The following DISP3 variants were observed in gnomAD, a reference collection of about 807,000 sequenced individuals.
DISP3 encodes the protein protein dispatched homolog 3.
In DISP3, 101 loss-of-function variants were observed where a neutral mutation model predicts 135.3. The ratio of observed to expected loss-of-function variants is 0.75; its 90% CI spans 0.64 to 0.88. The LOEUF is 0.88. Among genes scored for constraint, DISP3 ranks in the 40% least tolerant of loss-of-function variants. The pLI is 0.00. For synonymous variants in DISP3, 856 were observed against 817.0 expected (o/e 1.05, Z -0.81); for missense variants, 1,713 against 1,878.6 (o/e 0.91, Z 1.63).
chr1:11,533,253 C>CTTTTT (rs70983563), intron 17 of DISP3, among the ~76,000 whole-genome samples: 1 of 103,976 alleles, frequency 9.6e-6, no homozygotes, highest in Non-Finnish European at 2.0e-5. Flanking sequence ...GTGACTGTTT[C>CTTTTT]TTTTTTTTTT....
chr1:11,502,244 G>GTGAGATGAGCTCAT (rs1437245408), intron 2 of DISP3, among the ~76,000 whole-genome samples, 156 bp downstream of exon 2: 3 of 152,264 alleles, frequency 2.0e-5, no homozygotes, highest in Non-Finnish European at 4.4e-5. Flanking sequence ...AAAGGGCTGG[G>GTGAGATGAGCTCAT]CTCAGGTGTG....
chr1:11,535,569 C>A lies in DISP3; in HGVS notation c.3741C>A (p.Ser1247=), dbSNP rs367817545. ...EAISLSILVG[S]SVDYCVHLVE... The stretch of plus-strand genomic sequence containing the variant: ...TCTCCCTGTCCATCCTCGTTGGCTC[C>A]TCCGTGGATTACTGCGTCCACCTGG... Residue 1247 remains serine (S), a synonymous_variant, in exon 20 of 21, where the codon TCC becomes TCA. Coordinates refer to ENST00000294484, the MANE Select transcript of DISP3 (RefSeq NM_020780.2). 5 of 1,613,368 alleles carry A rather than the reference C, an allele frequency of 3.1e-6. No homozygotes were observed. The African/African-American group carries it at 6.7e-5, about 22-fold the overall frequency.
intron 1 of DISP3, among the ~76,000 whole-genome samples, chr1:11,486,349 C>A (rs1052705473): frequency 1.3e-5 from 2 of 152,212 alleles, no homozygotes; most frequent in African/African-American, 2.4e-5. Context: ...AGAGAGGAAT[C>A]AGGCTTTGGA....
intron 1 of DISP3, among the ~76,000 whole-genome samples, chr1:11,490,878 A>C (rs557611692): frequency 6.6e-6 from 1 of 152,314 alleles, no homozygotes; most frequent in South Asian, 2.1e-4. Flanking sequence ...TGTGCCAGAC[A>C]CACAGTAGTG....
At chr1:11,496,119 T>C (rs1015010409) in intron 1 of DISP3, among the ~76,000 whole-genome samples, 2 of 152,166 alleles carry the variant, frequency 1.3e-5, no homozygotes, top group African/African-American at 4.8e-5. Context: ...GCGTTTTTTT[T>C]TTCTGTTATA....
At position 11,526,639 on chromosome 1, in the gene DISP3, C is replaced by A; in HGVS notation, c.2614-12C>A. 1 of 1,605,122 alleles carries A rather than the reference C, an allele frequency of 6.2e-7. No homozygotes were observed. The highest frequency in any genetic ancestry group is 8.5e-7 in the Non-Finnish European group (1 of 1,172,374). On this transcript the variant is annotated splice_polypyrimidine_tract_variant and intron_variant, in intron 12 of 20. Coordinates refer to ENST00000294484, the MANE Select transcript of DISP3 (RefSeq NM_020780.2). ...GAGTCATGTGTCTTGTCTCTGTCAACCCACTGCTTAGGTGTATAGAGCGCC... is the reference window on the plus strand; with the variant it reads ...GAGTCATGTGTCTTGTCTCTGTCAAACCACTGCTTAGGTGTATAGAGCGCC...
In DISP3 at chr1:11,519,825, G is replaced by T; in HGVS notation, c.2145G>T (p.Glu715Asp). The change falls in exon 9 of 21, where the codon GAG becomes GAT. Residue 715 changes from glutamate to aspartate, a missense_variant. Physicochemically the swap from Glu to Asp is conservative, Grantham distance 45 (BLOSUM62 2). This residue lies in a region of DISP3 where 1,142 missense variants were observed against 1,384.6 expected (regional missense o/e 0.82). Transcript: ENST00000294484. The surrounding 1 kb of genome is among the most constrained non-coding windows in gnomAD (Gnocchi z 4.3). ...SRGHLIVQLQ[E>D]LLHHWVLWSA... Reference sequence around the variant, plus strand: ...GCCATCTCATCGTGCAGCTGCAGGAGCTGCTGCACCACTGGGTCCTGTGGT... The same window carrying T: ...GCCATCTCATCGTGCAGCTGCAGGATCTGCTGCACCACTGGGTCCTGTGGT... The T allele has an allele frequency of 5.0e-6, 8 of 1,612,672 alleles. 1 individual carries two copies. Among genetic ancestry groups the T allele is most frequent in the Non-Finnish European group, 6.8e-6 (8 of 1,179,976 alleles).
intron 15 of DISP3, among the ~76,000 whole-genome samples, chr1:11,530,192 A>T (rs1050452630): frequency 6.6e-6 from 1 of 152,156 alleles, no homozygotes. Context: ...CCCAAGCTGG[A>T]TGCCTGTGAG....
intron 3 of DISP3, among the ~76,000 whole-genome samples, chr1:11,513,953 T>TGG (rs1369158556): frequency 2.0e-5 from 3 of 152,034 alleles, no homozygotes; most frequent in Non-Finnish European, 4.4e-5. Context: ...GTTATGTTTT[T>TGG]TTTTTTTTTT....
rs1034002152 is a variant in DISP3 at position 11,491,529 on chromosome 1, C to T, written c.-3-9461C>T. Among the ~76,000 whole-genome samples, 1 of 151,878 alleles carries T rather than the reference C, an allele frequency of 6.6e-6. No homozygotes were observed. The highest frequency in any genetic ancestry group is 1.5e-5 in the Non-Finnish European group (1 of 67,970). On this transcript the variant is annotated intron_variant, in intron 1 of 20. Transcript: ENST00000294484. This position sits in a 1 kb window ranked among gnomAD's most constrained non-coding sequence, Gnocchi z 4.3. The stretch of plus-strand genomic sequence containing the variant: ...GGGAGGCTGAGCGGGGAGGACCACT[C>T]GAGCCCGGGAGGTCGAGGCTGCAGT...
chr1:11,493,222 C>T (rs1026039818), intron 1 of DISP3, among the ~76,000 whole-genome samples: 1 of 152,190 alleles, frequency 6.6e-6, no homozygotes, highest in African/African-American at 2.4e-5. Context: ...GGTGTAAGTT[C>T]TAGTCTGATA....
In DISP3 at chr1:11,531,125, GAC is replaced by G; in HGVS notation, c.3229+94_3229+95del. On this transcript the variant is annotated intron_variant, in intron 16 of 20. Transcript: ENST00000294484. The surrounding 1 kb of genome is among the most constrained non-coding windows in gnomAD (Gnocchi z 5.2). Reference sequence around the variant, plus strand: ...GTGGTCCAAGGTAGACAGCCCGAAGGACAGTGTCTGGCATGTGGGGGTCTTTT... The same window carrying G: ...GTGGTCCAAGGTAGACAGCCCGAAGGAGTGTCTGGCATGTGGGGGTCTTTT... 6.4e-7 allele frequency: 1 copy of G among 1,560,858 alleles called. No homozygotes were observed. Among genetic ancestry groups the G allele is most frequent in the South Asian group, 1.2e-5 (1 of 85,960 alleles).
chr1:11,529,787 T>C lies in DISP3; in HGVS notation c.2930T>C (p.Val977Ala), dbSNP rs1364668304. 33 of 1,611,428 alleles carry C rather than the reference T, an allele frequency of 2.0e-5. No individual in the cohort carries two copies. The highest frequency in any genetic ancestry group is 2.7e-5 in the Non-Finnish European group (32 of 1,178,318). Residue 977 changes from valine to alanine, a missense_variant and splice_region_variant, in exon 15 of 21, where the codon GTG (valine) becomes GCG (alanine). Coordinates refer to ENST00000294484, the MANE Select transcript of DISP3 (RefSeq NM_020780.2). This position sits in a 1 kb window ranked among gnomAD's most constrained non-coding sequence, Gnocchi z 4.7. The stretch of plus-strand genomic sequence containing the variant: ...TACAGCTGTGACTCCCTGTTCGCAG[T>C]GCCCAAGGCCCGTCTCTCAGCCACC... ...KGFFFVPSEK[V>A]PKARLSATFG... is the part of the protein sequence containing the mutation.
At chr1:11,515,769 G>A (rs896981848) in intron 5 of DISP3, among the ~76,000 whole-genome samples, 1 of 152,156 alleles carries the variant, frequency 6.6e-6, no homozygotes, top group Non-Finnish European at 1.5e-5. Flanking sequence ...AGGATGTGGG[G>A]GAAGGCGCCT....
At position 11,520,979 on chromosome 1, in the gene DISP3, C is replaced by A; in HGVS notation, c.2362+131C>A. On this transcript the variant is annotated intron_variant, in intron 10 of 20. Coordinates refer to ENST00000294484, the MANE Select transcript of DISP3 (RefSeq NM_020780.2). The surrounding 1 kb of genome is among the most constrained non-coding windows in gnomAD (Gnocchi z 4.8). ...CAGGCAAATCCCACTCCCCTCTGAG[C>A]CCCCATGTTCCCACAGTTCATTCAA... 1.8e-6 allele frequency: 2 copies of A among 1,119,562 alleles called. No homozygotes were observed. The highest frequency in any genetic ancestry group is 2.5e-6 in the Non-Finnish European group (2 of 809,202). 69.4% of individuals were successfully genotyped at this position (1,119,562 alleles called of 1,614,324 possible).
At chr1:11,515,255 G>C in intron 4 of DISP3, 114 bp from the exon 5 acceptor site, 3 of 1,397,588 alleles carry the variant, frequency 2.1e-6, no homozygotes, top group Non-Finnish European at 2.9e-6. Flanking sequence ...AGTGGTGAAT[G>C]GTGACCAGGG....
In DISP3 at chr1:11,491,888, C is replaced by T. The variant is rs1032685257; in HGVS notation, c.-3-9102C>T. Among the ~76,000 whole-genome samples the T allele has an allele frequency of 3.3e-5, 5 of 151,608 alleles. No homozygotes were observed. Among genetic ancestry groups the T allele is most frequent in the East Asian group, 1.9e-4 (1 of 5,146 alleles). ...CTGTAATCCCAGCACTTTGGGAGGC[C>T]GAGGCGGGCGGATCACGAGGTCAGG... On this transcript the variant is annotated intron_variant, in intron 1 of 20. Transcript: ENST00000294484. This position sits in a 1 kb window ranked among gnomAD's most constrained non-coding sequence, Gnocchi z 4.3.
At chr1:11,504,787 C>T (rs1641651437) in intron 3 of DISP3, among the ~76,000 whole-genome samples, 1 of 152,226 alleles carries the variant, frequency 6.6e-6, no homozygotes, top group Non-Finnish European at 1.5e-5. Context: ...TGCTGTTGAA[C>T]TTCCCAGCCT....
At position 11,529,698 on chromosome 1, in the gene DISP3, G is replaced by A. The variant is rs201538437; in HGVS notation, c.2929+12G>A. 5.6e-4 allele frequency: 902 copies of A among 1,602,238 alleles called. No individual in the cohort carries two copies. Among genetic ancestry groups the A allele is most frequent in the Non-Finnish European group, 7.3e-4 (857 of 1,171,074 alleles). Reference sequence around the variant, plus strand: ...GCCTAGTGAGAAAGGTACGGCAAGGGCACACAGGTGGGGACCTCAAGAGCT... The same window carrying A: ...GCCTAGTGAGAAAGGTACGGCAAGGACACACAGGTGGGGACCTCAAGAGCT... On this transcript the variant is annotated intron_variant, in intron 14 of 20. Coordinates refer to ENST00000294484, the MANE Select transcript of DISP3 (RefSeq NM_020780.2). The surrounding 1 kb of genome is among the most constrained non-coding windows in gnomAD (Gnocchi z 4.7).
Sources: allele counts gnomAD v4.1 joint callset (sites outside exome capture counted in the v4.1 genomes callset), GRCh38; gene constraint gnomAD v4.1.1; regional missense constraint gnomAD v4.1.1; non-coding constraint Gnocchi (gnomAD v3.1); transcripts MANE v1.5; gene names NCBI Gene and HGNC (gene_info 2026-07-23, HGNC 2026-07-21).